The following MIPEP variants were observed in gnomAD, a reference collection of about 807,000 sequenced individuals.
MIPEP encodes mitochondrial intermediate peptidase.
MIPEP carries 79 observed loss-of-function variants against 90.3 expected under a neutral mutation model. That is an observed-to-expected ratio of 0.87 (90% CI 0.73 to 1.05). The LOEUF is 1.05. Among genes scored for constraint, MIPEP ranks in the 50% least tolerant of loss-of-function variants. MIPEP has a pLI of 0.00. For synonymous variants in MIPEP, 334 were observed against 315.8 expected, an observed-to-expected ratio of 1.06 and a Z score of -0.61; for missense variants, 940 against 905.6, an observed-to-expected ratio of 1.04 and a Z score of -0.49.
intron 8 of MIPEP, among the ~76,000 whole-genome samples, chr13:23,863,648 A>G (rs1161589354): frequency 6.6e-6 from 1 of 152,134 alleles, no homozygotes; most frequent in African/African-American, 2.4e-5. Flanking sequence ...AGCATTTCAG[A>G]TAAGGGACAC....
chr13:23,771,538 C>T (rs1026492444), intron 16 of MIPEP, among the ~76,000 whole-genome samples: 1 of 144,424 alleles, frequency 6.9e-6, no homozygotes, highest in African/African-American at 2.6e-5. Context: ...ACTACACACA[C>T]ACACACACAC....
chr13:23,879,953 C>T (rs1456747213), intron 3 of MIPEP, among the ~76,000 whole-genome samples: 1 of 152,092 alleles, frequency 6.6e-6, no homozygotes, highest in Non-Finnish European at 1.5e-5. Context: ...CCCAACCCAC[C>T]CCATAGTACC....
At chr13:23,785,082 G>A (rs970831434) in intron 16 of MIPEP, among the ~76,000 whole-genome samples, 3 of 152,156 alleles carry the variant, frequency 2.0e-5, no homozygotes, top group Non-Finnish European at 4.4e-5. Context: ...ACAGTATGGC[G>A]ATTCCTCAAA....
chr13:23,820,108 T>C (rs1015453156), intron 14 of MIPEP, among the ~76,000 whole-genome samples: 1 of 152,224 alleles, frequency 6.6e-6, no homozygotes, highest in Non-Finnish European at 1.5e-5. Flanking sequence ...GATGTGTCAT[T>C]TAAAAAATGG....
intron 15 of MIPEP, among the ~76,000 whole-genome samples, chr13:23,809,276 G>A (rs1454238189): frequency 6.6e-6 from 1 of 151,898 alleles, no homozygotes; most frequent in Non-Finnish European, 1.5e-5. Flanking sequence ...AATTTAGCTG[G>A]CAAAATGTGT....
chr13:23,845,709 G>C (rs926131546), intron 10 of MIPEP, among the ~76,000 whole-genome samples: 3 of 152,192 alleles, frequency 2.0e-5, no homozygotes, highest in African/African-American at 7.2e-5. Context: ...AAAAAAAGCT[G>C]TTTCTAACTT....
intron 10 of MIPEP, among the ~76,000 whole-genome samples, chr13:23,858,467 C>T (rs1870138521): frequency 7.0e-6 from 1 of 143,602 alleles, no homozygotes. Context: ...CAAGACTCCG[C>T]CTCAAAAAAA....
chr13:23,875,027 A>AACACACATAC, intron 4 of MIPEP, 118 bp from the exon 5 acceptor site: 1 of 400,650 alleles, frequency 2.5e-6, no homozygotes. Flanking sequence ...GTTTCTTCAA[A>AACACACATAC]ACACACACAC....
chr13:23,791,258 A>G (rs1312387326), intron 16 of MIPEP, among the ~76,000 whole-genome samples: 1 of 152,188 alleles, frequency 6.6e-6, no homozygotes, highest in Admixed American at 6.5e-5. Context: ...GAGTATGGCC[A>G]GGAAAAGCAC....
At chr13:23,824,940 A>T (rs893380467) in intron 14 of MIPEP, among the ~76,000 whole-genome samples, 4 of 152,210 alleles carry the variant, frequency 2.6e-5, no homozygotes, top group Admixed American at 1.3e-4. Context: ...AACACTAAAC[A>T]TTTTAATGTG....
At chr13:23,735,836 C>T (rs1952256896) in intron 18 of MIPEP, among the ~76,000 whole-genome samples, 1 of 151,998 alleles carries the variant, frequency 6.6e-6, no homozygotes, top group African/African-American at 2.4e-5. Context: ...GTTATGCTAG[C>T]CCTGCTCTAA....
chr13:23,747,417 G>A, intron 18 of MIPEP: 1 of 394,670 alleles, frequency 2.5e-6, no homozygotes, highest in Non-Finnish European at 5.1e-6. Flanking sequence ...TCTTCTAGTG[G>A]TGTCCCCTAC....
At chr13:23,854,888 T>C (rs1869981603) in intron 10 of MIPEP, among the ~76,000 whole-genome samples, 1 of 104,818 alleles carries the variant, frequency 9.5e-6, no homozygotes, top group South Asian at 3.8e-4. Context: ...GAAGATTCTG[T>C]CTCAAAAAAA....
At chr13:23,764,253 T>C (rs1193619620) in intron 16 of MIPEP, among the ~76,000 whole-genome samples, 4 of 152,178 alleles carry the variant, frequency 2.6e-5, no homozygotes, top group Admixed American at 2.0e-4. Context: ...AGTTACATAA[T>C]CTCAGTGATC....
chr13:23,784,796 AAAAC>A (rs1367969400), intron 16 of MIPEP, among the ~76,000 whole-genome samples: 4 of 152,240 alleles, frequency 2.6e-5, no homozygotes, highest in African/African-American at 4.8e-5. Context: ...TTACAAGAAT[AAAAC>A]AAACAACCCC....
At position 23,854,848 on chromosome 13, in the gene MIPEP, C is replaced by T. The variant is rs570489599; in HGVS notation, c.1106+4012G>A. Among the ~76,000 whole-genome samples, 33 of 151,218 alleles carry T rather than the reference C, an allele frequency of 2.2e-4. No individual in the cohort carries two copies. In the Middle Eastern group the frequency reaches 0.014, roughly 62 times the overall value. ...CAGAGGTTGCAGCGAGCTGAGATCA[C>T]GTCACTGCACTCCAGCCTGGGCAAC... On this transcript the variant is annotated intron_variant, in intron 10 of 18. Coordinates refer to ENST00000382172, the MANE Select transcript of MIPEP (RefSeq NM_005932.4).
intron 2 of MIPEP, among the ~76,000 whole-genome samples, chr13:23,882,516 C>T (rs993936753): frequency 2.0e-5 from 3 of 152,148 alleles, no homozygotes; most frequent in Non-Finnish European, 4.4e-5. Context: ...ATACTGTATA[C>T]AGCTACTACT....
At chr13:23,832,668 G>C (rs1361304421) in intron 14 of MIPEP, among the ~76,000 whole-genome samples, 8 of 152,052 alleles carry the variant, frequency 5.3e-5, no homozygotes, top group African/African-American at 1.7e-4. Context: ...GGGTCCTTAG[G>C]CACCACAGCT....
intron 16 of MIPEP, among the ~76,000 whole-genome samples, chr13:23,771,389 A>G (rs903880914): frequency 6.6e-6 from 1 of 152,202 alleles, no homozygotes; most frequent in African/African-American, 2.4e-5. Context: ...AAGGAGCAAG[A>G]ATATTAGACA....
Sources: gnomAD v4.1 joint callset for allele counts (sites outside exome capture counted in the v4.1 genomes callset) on GRCh38, gnomAD v4.1.1 for gene constraint, MANE v1.5 for transcripts, NCBI Gene and HGNC (gene_info 2026-07-23, HGNC 2026-07-21) for gene names.